KCNT2: variants seen among roughly 807,000 people sequenced by gnomAD.
KCNT2 encodes potassium channel subfamily T member 2.
A neutral mutation model predicts 153.8 loss-of-function variants in KCNT2; 67 were observed. That is an observed-to-expected ratio of 0.44 (90% CI 0.36 to 0.53). KCNT2 has a LOEUF of 0.53. Among genes scored for constraint, KCNT2 ranks in the 20% least tolerant of loss-of-function variants. The probability of loss-of-function intolerance (pLI) is 0.00; values close to 1 mark genes in which losing one functional copy is unlikely to be tolerated. For synonymous variants in KCNT2, 500 were observed against 458.8 expected (o/e 1.09, Z -1.15); for missense variants, 975 against 1,354.8 (o/e 0.72, Z 4.40).
chr1:196,532,044 G>T (rs912163908), intron 1 of KCNT2, among the ~76,000 whole-genome samples: 1 of 151,458 alleles, frequency 6.6e-6, no homozygotes, highest in African/African-American at 2.4e-5. Context: ...TTTTTTTTTA[G>T]CAACAAAGTC....
intron 21 of KCNT2, among the ~76,000 whole-genome samples, chr1:196,311,368 C>T (rs1031795065): frequency 2.0e-5 from 3 of 151,724 alleles, no homozygotes; most frequent in South Asian, 2.1e-4. Flanking sequence ...ATCACAATTG[C>T]AGGCATGGCC....
At chr1:196,351,528 T>C (rs1173821047) in intron 14 of KCNT2, among the ~76,000 whole-genome samples, 1 of 152,072 alleles carries the variant, frequency 6.6e-6, no homozygotes, top group African/African-American at 2.4e-5. Flanking sequence ...TGTATAAGAA[T>C]GCTTGTGATT....
At chr1:196,414,004 A>T (rs1672549892) in intron 12 of KCNT2, among the ~76,000 whole-genome samples, 1 of 151,686 alleles carries the variant, frequency 6.6e-6, no homozygotes, top group Non-Finnish European at 1.5e-5. Context: ...TTCAGCAATA[A>T]TAATTCAATA....
At chr1:196,232,022 T>G (rs1654001100) in intron 27 of KCNT2, among the ~76,000 whole-genome samples, 1 of 151,824 alleles carries the variant, frequency 6.6e-6, no homozygotes, top group African/African-American at 2.4e-5. Context: ...CACTTTTGTC[T>G]TAAAGACTGA....
chr1:196,386,577 A>G (rs1375912889), intron 13 of KCNT2, among the ~76,000 whole-genome samples: 6 of 152,166 alleles, frequency 3.9e-5, no homozygotes, highest in Non-Finnish European at 7.4e-5. Flanking sequence ...AAGGTAAGTA[A>G]TATATTTCTG....
chr1:196,296,025 A>C (rs2147939726), intron 22 of KCNT2, among the ~76,000 whole-genome samples: 1 of 152,100 alleles, frequency 6.6e-6, no homozygotes. Flanking sequence ...CATATGTTAC[A>C]CTTCTAAAAT....
In KCNT2 at chr1:196,435,135, G is replaced by GTGTATA. The variant is rs747899287; in HGVS notation, c.639-5379_639-5378insTATACA. ...GCAATAGATACTTATGTGTGTGTGT[G>GTGTATA]TATGTATATATATATATATATATAT... On this transcript the variant is annotated intron_variant, in intron 8 of 27. Coordinates refer to ENST00000294725, the MANE Select transcript of KCNT2 (RefSeq NM_198503.5). 4.5e-3 allele frequency among the ~76,000 whole-genome samples: 344 copies of GTGTATA among 76,676 alleles called. 4 individuals carry two copies. The highest frequency in any genetic ancestry group is 9.8e-3 in the Middle Eastern group (1 of 102). 50.3% of individuals were successfully genotyped at this position (76,676 alleles called of 152,430 possible).
intron 14 of KCNT2, among the ~76,000 whole-genome samples, chr1:196,366,800 C>A (rs533727806): frequency 3.6e-4 from 55 of 152,038 alleles, no homozygotes; most frequent in Admixed American, 1.7e-3. Context: ...AGAGATTTTT[C>A]TGGTTTTTTA....
At chr1:196,232,602 T>A (rs1654051046) in intron 27 of KCNT2, among the ~76,000 whole-genome samples, 1 of 151,600 alleles carries the variant, frequency 6.6e-6, no homozygotes, top group South Asian at 2.1e-4. Flanking sequence ...TTTTATTTTT[T>A]TAATAGCAGT....
chr1:196,415,180 C>G (rs952362372), intron 12 of KCNT2, among the ~76,000 whole-genome samples: 1 of 151,774 alleles, frequency 6.6e-6, no homozygotes, highest in South Asian at 2.1e-4. Flanking sequence ...AACAAGCAGA[C>G]CTCGACATTT....
Position 196,398,613 on chromosome 1 carries a change from A to G in KCNT2, c.1244T>C (p.Leu415Ser). ...AVKDFAPNCP[L>S]YVQILKPENK... Reference sequence around the variant, plus strand: ...TTCAGGCTTTAATATCTGGACATACAAAGGACAATTTGGAGCAAAATCTTT... The same window carrying G: ...TTCAGGCTTTAATATCTGGACATACGAAGGACAATTTGGAGCAAAATCTTT... The change falls in exon 13 of 28, where the codon TTG (leucine) becomes TCG (serine). Residue 415 changes from leucine to serine, a missense_variant. Leu to Ser is a moderately radical substitution (Grantham distance 145). Transcript: ENST00000294725. 6.2e-7 allele frequency: 1 copy of G among 1,609,150 alleles called. No individual in the cohort carries two copies.
At chr1:196,495,532 TCTTC>T (rs1680186214) in intron 1 of KCNT2, among the ~76,000 whole-genome samples, 1 of 152,022 alleles carries the variant, frequency 6.6e-6, no homozygotes, top group Admixed American at 6.6e-5. Context: ...TGCCTCCCTC[TCTTC>T]CTTCTTTTCT....
intron 5 of KCNT2, among the ~76,000 whole-genome samples, chr1:196,477,728 A>T (rs1572585811): frequency 6.6e-6 from 1 of 152,164 alleles, no homozygotes; most frequent in South Asian, 2.1e-4. Flanking sequence ...CACTCCAATG[A>T]CTTTCTATCT....
intron 8 of KCNT2, among the ~76,000 whole-genome samples, chr1:196,458,655 C>T (rs1471385486): frequency 6.6e-6 from 1 of 151,774 alleles, no homozygotes; most frequent in Admixed American, 6.6e-5. Flanking sequence ...ATACATTTGG[C>T]AGTACAAATT....
intron 8 of KCNT2, among the ~76,000 whole-genome samples, chr1:196,441,232 A>G (rs1248590761): frequency 1.3e-5 from 2 of 151,774 alleles, no homozygotes; most frequent in Middle Eastern, 3.2e-3. Flanking sequence ...TAACCACATT[A>G]ACTGAAAAGT....
chr1:196,260,264 T>A (rs1051124826), intron 25 of KCNT2, among the ~76,000 whole-genome samples: 1 of 151,884 alleles, frequency 6.6e-6, no homozygotes, highest in Non-Finnish European at 1.5e-5. Context: ...ATATCACTTA[T>A]AATTCAAGTC....
rs749151734 is a variant in KCNT2, at chr1:196,228,275, G to A, written c.3357C>T (p.Asn1119=). The stretch of plus-strand genomic sequence containing the variant: ...CTTGACCAGTGACATTGCAGATGCT[G>A]TTTCTTCGACTGGGCTCACTGTTTG... ...YLPNSEPSRR[N]SICNVTGQDS... Residue 1119 remains asparagine, a synonymous_variant, in exon 28 of 28, where the codon AAC becomes AAT. Coordinates refer to ENST00000294725, the MANE Select transcript of KCNT2 (RefSeq NM_198503.5). 1.9e-6 allele frequency: 3 copies of A among 1,611,876 alleles called. No individual in the cohort carries two copies. The highest frequency in any genetic ancestry group is 1.7e-6 in the Non-Finnish European group (2 of 1,178,612).
At chr1:196,376,798 T>G (rs1669005422) in intron 13 of KCNT2, among the ~76,000 whole-genome samples, 1 of 151,942 alleles carries the variant, frequency 6.6e-6, no homozygotes, top group Non-Finnish European at 1.5e-5. Flanking sequence ...AATCATTAGG[T>G]CAGCTTACTT....
intron 8 of KCNT2, among the ~76,000 whole-genome samples, chr1:196,433,040 A>C (rs1674299358): frequency 6.6e-6 from 1 of 152,054 alleles, no homozygotes; most frequent in African/African-American, 2.4e-5. Context: ...GAATAGAATT[A>C]GCAACCTTAT....
Sources: allele counts gnomAD v4.1 joint callset (sites outside exome capture counted in the v4.1 genomes callset), GRCh38; gene constraint gnomAD v4.1.1; transcripts MANE v1.5; gene names NCBI Gene and HGNC (gene_info 2026-07-23, HGNC 2026-07-21).